Variants in CA10 observed in about 807,000 individuals in gnomAD.
The protein encoded by CA10 is carbonic anhydrase 10 (inactive).
Under a neutral mutation model 44.2 loss-of-function variants are expected in CA10, and 14 were observed. The ratio of observed to expected loss-of-function variants is 0.32; its 90% CI spans 0.21 to 0.50. The LOEUF is 0.50. Among genes scored for constraint, CA10 ranks in the 20% least tolerant of loss-of-function variants. The pLI is 0.99. For missense variants in CA10, 350 were observed against 409.7 expected, an observed-to-expected ratio of 0.85 and a Z score of 1.26; for synonymous variants, 159 against 141.6, an observed-to-expected ratio of 1.12 and a Z score of -0.87.
At chr17:51,762,553 C>T (rs1905244761) in intron 3 of CA10, 1 of 152,198 alleles carries the variant, frequency 6.6e-6, no homozygotes, top group African/African-American at 2.4e-5. Context: ...GTGATTGGAA[C>T]AGGAGCAGCT....
At chr17:52,157,169 T>C (rs138746271) in intron 1 of CA10, among the ~76,000 whole-genome samples, 287 of 151,314 alleles carry the variant, frequency 1.9e-3, no homozygotes, top group African/African-American at 6.3e-3. Context: ...ATTGGGGGGG[T>C]AGAGGAGGGT....
At chr17:51,817,604 C>T (rs1225257879) in intron 3 of CA10, among the ~76,000 whole-genome samples, 1 of 152,126 alleles carries the variant, frequency 6.6e-6, no homozygotes, top group African/African-American at 2.4e-5. Context: ...AACCTGTAGC[C>T]CCTTTGTCAC....
At chr17:51,758,973 GCTTCT>G (rs1012901045) in intron 3 of CA10, among the ~76,000 whole-genome samples, 11 of 152,112 alleles carry the variant, frequency 7.2e-5, no homozygotes, top group South Asian at 2.1e-4. Context: ...GCTTCACTGT[GCTTCT>G]CTTAAGTGTC....
intron 1 of CA10, among the ~76,000 whole-genome samples, chr17:52,147,894 A>G (rs1017536949): frequency 7.9e-5 from 12 of 152,168 alleles, no homozygotes; most frequent in African/African-American, 2.9e-4. Context: ...TCTGTAATTA[A>G]GATTACAAGC....
At chr17:51,820,456 T>G (rs1211198466) in intron 3 of CA10, among the ~76,000 whole-genome samples, 1 of 133,132 alleles carries the variant, frequency 7.5e-6, no homozygotes, top group African/African-American at 2.9e-5. Context: ...AGCTCCTAGT[T>G]TGAACCTGTT....
intron 3 of CA10, among the ~76,000 whole-genome samples, chr17:51,782,473 C>T (rs988111754): frequency 2.0e-5 from 3 of 152,194 alleles, no homozygotes; most frequent in Admixed American, 6.5e-5. Context: ...GCCCACTGGA[C>T]TAGAATCTTC....
intron 2 of CA10, among the ~76,000 whole-genome samples, chr17:52,016,896 G>A (rs563002046): frequency 3.3e-5 from 5 of 152,224 alleles, no homozygotes; most frequent in Admixed American, 6.5e-5. Flanking sequence ...CTAGGTGATA[G>A]AATGAGGCTC....
intron 1 of CA10, among the ~76,000 whole-genome samples, chr17:52,139,353 G>A (rs986873456): frequency 2.0e-5 from 3 of 152,020 alleles, no homozygotes; most frequent in Non-Finnish European, 4.4e-5. Flanking sequence ...ATTATATCTG[G>A]CTTAAAACTG....
At chr17:51,800,457 A>G (rs1477995153) in intron 3 of CA10, among the ~76,000 whole-genome samples, 1 of 152,172 alleles carries the variant, frequency 6.6e-6, no homozygotes, top group Non-Finnish European at 1.5e-5. Flanking sequence ...AAAAAACATT[A>G]AATTATACAC....
chr17:51,681,048 A>T (rs546137812), intron 4 of CA10, among the ~76,000 whole-genome samples: 93 of 152,328 alleles, frequency 6.1e-4, no homozygotes, highest in Non-Finnish European at 1.1e-3. Context: ...AATGACAATT[A>T]TTTATTCACA....
chr17:51,854,850 T>A (rs9909698), intron 3 of CA10, among the ~76,000 whole-genome samples: 31,285 of 152,186 alleles, frequency 0.21, 5,858 homozygotes, highest in African/African-American at 0.5. Flanking sequence ...GTGTTGGGTC[T>A]GGGTCCCAGT....
At chr17:52,121,501 C>G (rs907042304) in intron 1 of CA10, among the ~76,000 whole-genome samples, 5 of 152,198 alleles carry the variant, frequency 3.3e-5, no homozygotes, top group African/African-American at 1.2e-4. Flanking sequence ...TGCCATAAAT[C>G]ATTCTACAAT....
At chr17:52,003,844 C>T (rs1399771111) in intron 2 of CA10, among the ~76,000 whole-genome samples, 2 of 151,754 alleles carry the variant, frequency 1.3e-5, no homozygotes, top group Admixed American at 6.6e-5. Context: ...AAATTAGTAT[C>T]TATTTCCACT....
intron 4 of CA10, among the ~76,000 whole-genome samples, chr17:51,715,949 C>T (rs1237693797): frequency 6.6e-6 from 1 of 152,172 alleles, no homozygotes; most frequent in African/African-American, 2.4e-5. Flanking sequence ...CTCGGCCTCC[C>T]AAAGTATTGG....
At chr17:52,014,267 A>G (rs929346654) in intron 2 of CA10, among the ~76,000 whole-genome samples, 4 of 152,004 alleles carry the variant, frequency 2.6e-5, no homozygotes, top group Admixed American at 2.6e-4. Flanking sequence ...ATCAGGACCC[A>G]TACAAGTATA....
At chr17:51,713,480 A>G (rs536468102) in intron 4 of CA10, among the ~76,000 whole-genome samples, 2 of 152,326 alleles carry the variant, frequency 1.3e-5, no homozygotes, top group Admixed American at 1.3e-4. Context: ...AGGGCCTGAA[A>G]AAATACAAAT....
At chr17:51,742,235 T>C (rs1904494373) in intron 4 of CA10, among the ~76,000 whole-genome samples, 1 of 152,148 alleles carries the variant, frequency 6.6e-6, no homozygotes, top group South Asian at 2.1e-4. Context: ...CACCATGGCA[T>C]ATAAGTAGCA....
chr17:51,793,934 G>T (rs1260852767), intron 3 of CA10, among the ~76,000 whole-genome samples: 1 of 152,204 alleles, frequency 6.6e-6, no homozygotes, highest in East Asian at 1.9e-4. Context: ...ATGAGGATTT[G>T]CTTTTCAGAG....
At chr17:51,773,624 C>T (rs142616135) in intron 3 of CA10, among the ~76,000 whole-genome samples, 1 of 152,350 alleles carries the variant, frequency 6.6e-6, no homozygotes, top group African/African-American at 2.4e-5. Context: ...GCCCATGCCT[C>T]AGTTTACCCC....
Sources: gnomAD v4.1 joint callset for allele counts (sites outside exome capture counted in the v4.1 genomes callset) on GRCh38, gnomAD v4.1.1 for gene constraint, MANE v1.5 for transcripts, NCBI Gene and HGNC (gene_info 2026-07-23, HGNC 2026-07-21) for gene names.